MS4A18: variants seen among roughly 807,000 people sequenced by gnomAD.
The protein encoded by MS4A18 is membrane spanning 4-domains A18, also known as membrane-spanning 4-domains subfamily A member 18.
In MS4A18, 27 loss-of-function variants were observed where a neutral mutation model predicts 13.1. That is an observed-to-expected ratio of 2.06 (90% CI 1.52 to 2.84). The LOEUF (loss-of-function observed/expected upper bound fraction) is 2.84, where lower values mean the gene tolerates loss of function less well. MS4A18 is among the 30% of genes most tolerant of loss of function. The probability of loss-of-function intolerance (pLI) is 0.00; values close to 1 mark genes in which losing one functional copy is unlikely to be tolerated. For synonymous variants in MS4A18, 126 were observed against 76.5 expected (o/e 1.65, Z -3.38); for missense variants, 307 against 196.4 (o/e 1.56, Z -3.37).
At chr11:60,727,674 G>A (rs1189530446), upstream of MS4A18, among the ~76,000 whole-genome samples, 1 of 152,130 alleles carries the variant, frequency 6.6e-6, no homozygotes, top group Non-Finnish European at 1.5e-5. Flanking sequence ...CATAGGATTT[G>A]GTGTCTTGCC....
chr11:60,726,187 T>C (rs190393613), upstream of MS4A18, among the ~76,000 whole-genome samples: 139 of 152,110 alleles, frequency 9.1e-4, no homozygotes, highest in Non-Finnish European at 1.7e-3. Flanking sequence ...TTGGTCTCCC[T>C]ACTTTGCAAA....
intron 4 of MS4A18, 111 bp from the exon 6 acceptor site, chr11:60,740,919 C>T (rs879542659): frequency 2.9e-6 from 2 of 679,430 alleles, no homozygotes; most frequent in Non-Finnish European, 5.4e-6. Context: ...GGGCCACATG[C>T]AGAGAGGGTC....
chr11:60,726,727 A>C (rs1429157548), upstream of MS4A18, among the ~76,000 whole-genome samples: 1 of 144,498 alleles, frequency 6.9e-6, no homozygotes, highest in African/African-American at 2.6e-5. Flanking sequence ...CTTTTATTTT[A>C]TTTTATTTTA....
At chr11:60,725,856 G>A (rs961776021), upstream of MS4A18, among the ~76,000 whole-genome samples, 7 of 152,192 alleles carry the variant, frequency 4.6e-5, no homozygotes, top group Middle Eastern at 3.4e-3. Flanking sequence ...TGGGGGAACT[G>A]CCTTATATCT....
Position 60,733,729 on chromosome 11 carries a change from C to T in MS4A18, c.591+82C>T, listed in dbSNP as rs78337579. ...AGTGGAGGAAGAAGGAGCATGGAAT[C>T]CCATTCCCAGTAATATGACTCTGTA... On this transcript the variant is annotated intron_variant, in intron 2 of 5. Coordinates refer to ENST00000529108, the Ensembl canonical transcript of MS4A18. The T allele has an allele frequency of 2.2e-3, 1,568 of 700,306 alleles. 14 individuals carry two copies. Among genetic ancestry groups the T allele is most frequent in the African/African-American group, 0.021 (1,230 of 57,308 alleles). 43.4% of individuals were successfully genotyped at this position (700,306 alleles called of 1,614,324 possible).
chr11:60,729,740 C>G lies in MS4A18; in HGVS notation c.425C>G (p.Ser142Ter), dbSNP rs1853224505. 5.7e-6 allele frequency: 4 copies of G among 702,532 alleles called. No individual in the cohort carries two copies. The East Asian group carries it at 1.1e-4, about 19-fold the overall frequency. The allele number at this position is 702,532 out of a possible 1,614,324, so 43.5% of individuals were successfully genotyped here. A position where few individuals can be genotyped will look rare whatever the true frequency, so the allele number is the denominator to read the frequency against. Residue 142 changes from serine (S) to a stop codon, truncating the protein, a stop_gained, in exon 1 of 6, where the codon TCA (serine) becomes TGA (stop). Coordinates refer to ENST00000529108, the Ensembl canonical transcript of MS4A18. LOFTEE classifies it high-confidence loss of function. ...AACACGTCATTTGCATCATTTACTT[C>G]ATTTAATCCCAAGAAATTCATAAAT...
chr11:60,725,343 G>A (rs968656806), upstream of MS4A18, among the ~76,000 whole-genome samples: 11 of 152,132 alleles, frequency 7.2e-5, no homozygotes, highest in Middle Eastern at 3.2e-3. Flanking sequence ...ACAGGCGCCC[G>A]CCACCACGCC....
rs924848560 is a variant in MS4A18, at chr11:60,733,063, C to T, written c.478-471C>T. Among the ~76,000 whole-genome samples, 6 of 152,332 alleles carry T rather than the reference C, an allele frequency of 3.9e-5. No individual in the cohort carries two copies. In the East Asian group the frequency reaches 7.7e-4, roughly 20 times the overall value. On this transcript the variant is annotated intron_variant, in intron 1 of 5. Coordinates refer to ENST00000529108, the Ensembl canonical transcript of MS4A18. ...CTATCTGAGAACGATGTTAACATCACGTGTAGGAATGCTACGTTTTCTAGG... is the reference window on the plus strand; with the variant it reads ...CTATCTGAGAACGATGTTAACATCATGTGTAGGAATGCTACGTTTTCTAGG...
upstream of MS4A18, among the ~76,000 whole-genome samples, chr11:60,725,188 C>CT (rs1211038985): frequency 6.6e-6 from 1 of 152,158 alleles, no homozygotes; most frequent in African/African-American, 2.4e-5. Flanking sequence ...TGGAACCACT[C>CT]TTTTTTTTCT....
chr11:60,733,479 C>T, intron 1 of MS4A18, 55 bp from the exon 3 acceptor site: 4 of 702,574 alleles, frequency 5.7e-6, no homozygotes, highest in Non-Finnish European at 1.0e-5. Context: ...AGCACAGCTC[C>T]ACAGCCCACA....
upstream of MS4A18, among the ~76,000 whole-genome samples, chr11:60,728,785 A>T (rs1053365527): frequency 5.5e-5 from 8 of 145,370 alleles, no homozygotes; most frequent in Non-Finnish European, 1.0e-4. Flanking sequence ...TATTCTCTTC[A>T]CTCTACTAAC....
chr11:60,738,820 C>T (rs2074043195), intron 3 of MS4A18, 82 bp from the exon 5 acceptor site: 1 of 666,756 alleles, frequency 1.5e-6, no homozygotes, highest in African/African-American at 1.8e-5. Flanking sequence ...TCTCTCTTCT[C>T]CGACTTCCCA....
At chr11:60,729,221 A>G, upstream of MS4A18, 1 of 625,694 alleles carries the variant, frequency 1.6e-6, no homozygotes, top group Non-Finnish European at 2.9e-6. Context: ...TTTAATGAAG[A>G]TGAAACTAAA....
At chr11:60,734,864 C>T (rs1466584846) in intron 2 of MS4A18, among the ~76,000 whole-genome samples, 1 of 151,802 alleles carries the variant, frequency 6.6e-6, no homozygotes, top group Non-Finnish European at 1.5e-5. Flanking sequence ...TCACTGTAAC[C>T]TCTGCCTCCT....
chr11:60,728,351 G>A (rs1015582632), upstream of MS4A18, among the ~76,000 whole-genome samples: 7 of 152,086 alleles, frequency 4.6e-5, no homozygotes, highest in Non-Finnish European at 5.9e-5. Context: ...CTAGAACCGA[G>A]AGTCAAAAGG....
chr11:60,744,060 G>A (rs1853450700), exon 6 of MS4A18: 5 of 653,838 alleles, frequency 7.6e-6, no homozygotes, highest in African/African-American at 3.5e-5. Flanking sequence ...CACTGTAGCT[G>A]TATCTTTTCT....
At chr11:60,736,312 T>A (rs1275589052) in intron 2 of MS4A18, among the ~76,000 whole-genome samples, 1 of 150,040 alleles carries the variant, frequency 6.7e-6, no homozygotes, top group Non-Finnish European at 1.5e-5. Flanking sequence ...CCTCCAGCAC[T>A]TTCTGGCTAT....
chr11:60,733,793 G>A, intron 2 of MS4A18, 146 bp downstream of exon 3: 1 of 645,884 alleles, frequency 1.5e-6, no homozygotes, highest in Non-Finnish European at 2.8e-6. Flanking sequence ...ACAGCAAAGG[G>A]TTATATCAAC....
chr11:60,742,955 T>G (rs1299217096), intron 5 of MS4A18, among the ~76,000 whole-genome samples: 3 of 152,206 alleles, frequency 2.0e-5, no homozygotes, highest in Non-Finnish European at 4.4e-5. Context: ...CTACATAACA[T>G]GGGAAATCAT....
Sources: gnomAD v4.1 joint callset for allele counts (sites outside exome capture counted in the v4.1 genomes callset) on GRCh38, gnomAD v4.1.1 for gene constraint, MANE v1.5 for transcripts, NCBI Gene and HGNC (gene_info 2026-07-23, HGNC 2026-07-21) for gene names.